LRMDA: variants seen among roughly 807,000 people sequenced by gnomAD.
LRMDA encodes leucine-rich melanocyte differentiation-associated protein.
Under a neutral mutation model 29.8 loss-of-function variants are expected in LRMDA, and 18 were observed. That is an observed-to-expected ratio of 0.60 (90% confidence interval 0.42 to 0.90). The LOEUF (loss-of-function observed/expected upper bound fraction) is 0.90. Among genes scored for constraint, LRMDA ranks in the 40% least tolerant of loss-of-function variants. The pLI is 0.00. For missense variants in LRMDA, 273 were observed against 273.9 expected (o/e 1.00, Z 0.02); for synonymous variants, 125 against 109.4 (o/e 1.14, Z -0.89).
intron 6 of LRMDA, among the ~76,000 whole-genome samples, chr10:76,522,759 T>G (rs1418649710): frequency 6.6e-6 from 1 of 152,164 alleles, no homozygotes; most frequent in Admixed American, 6.5e-5. Flanking sequence ...GCCTGAAAAG[T>G]TGTATGCTGC....
chr10:76,354,190 A>T (rs1841212046), intron 6 of LRMDA, among the ~76,000 whole-genome samples: 1 of 152,096 alleles, frequency 6.6e-6, no homozygotes, highest in Admixed American at 6.6e-5. Context: ...AAGGACTTCC[A>T]CACTTGGGCT....
intron 6 of LRMDA, among the ~76,000 whole-genome samples, chr10:76,376,369 T>C (rs113909764): frequency 0.016 from 2,365 of 152,202 alleles, 56 homozygotes; most frequent in African/African-American, 0.054. Flanking sequence ...TATACATATA[T>C]ATCATGCCTC....
chr10:75,840,114 C>A (rs551804613), intron 2 of LRMDA, among the ~76,000 whole-genome samples: 1 of 152,182 alleles, frequency 6.6e-6, no homozygotes, highest in South Asian at 2.1e-4. Flanking sequence ...CCTGTATCAT[C>A]CAATTCTACT....
intron 5 of LRMDA, among the ~76,000 whole-genome samples, chr10:76,305,574 G>C (rs940376906): frequency 6.6e-6 from 1 of 152,140 alleles, no homozygotes; most frequent in Admixed American, 6.5e-5. Context: ...ACTAAGATGG[G>C]CACAGGGTAG....
intron 2 of LRMDA, among the ~76,000 whole-genome samples, chr10:75,820,119 C>G (rs1005819894): frequency 4.6e-5 from 7 of 152,122 alleles, no homozygotes; most frequent in Admixed American, 1.3e-4. Flanking sequence ...AGAAAAACAA[C>G]AAACCCTGGA....
chr10:75,438,593 A>G (rs1039274950), intron 2 of LRMDA, 99 bp downstream of exon 2: 4 of 876,510 alleles, frequency 4.6e-6, no homozygotes, highest in Non-Finnish European at 7.3e-6. Context: ...CCAACTCCAC[A>G]TGGGTTGTCC....
intron 2 of LRMDA, among the ~76,000 whole-genome samples, chr10:75,988,345 G>C (rs186462593): frequency 2.5e-4 from 38 of 151,984 alleles, no homozygotes; most frequent in African/African-American, 8.7e-4. Context: ...CACCTTGAAG[G>C]CCGTGAGTCC....
chr10:76,526,371 T>TCTCAAAATGGTTGCTACTGCTCCTGG (rs1299792736), intron 6 of LRMDA, among the ~76,000 whole-genome samples: 1 of 152,152 alleles, frequency 6.6e-6, no homozygotes, highest in Non-Finnish European at 1.5e-5. Flanking sequence ...AGCCTCATGG[T>TCTCAAAATGGTTGCTACTGCTCCTGG]CTCAAAATGG....
At chr10:76,183,609 C>T (rs1227654339) in intron 5 of LRMDA, among the ~76,000 whole-genome samples, 2 of 152,040 alleles carry the variant, frequency 1.3e-5, no homozygotes, top group African/African-American at 2.4e-5. Flanking sequence ...TTATGAATAC[C>T]CAAGGAGGGA....
intron 2 of LRMDA, among the ~76,000 whole-genome samples, chr10:75,821,796 A>AAAC (rs1377549623): frequency 6.2e-5 from 8 of 129,782 alleles, no homozygotes; most frequent in East Asian, 2.0e-4. Context: ...ACAAACAAAC[A>AAAC]AAAAAAACCC....
chr10:75,933,883 C>G (rs749039007), intron 2 of LRMDA, among the ~76,000 whole-genome samples: 3 of 152,168 alleles, frequency 2.0e-5, no homozygotes, highest in Non-Finnish European at 4.4e-5. Flanking sequence ...GCTTATCTCC[C>G]TCCTAGTTGC....
intron 5 of LRMDA, among the ~76,000 whole-genome samples, chr10:76,124,399 T>G (rs1286906829): frequency 1.3e-5 from 2 of 152,226 alleles, no homozygotes; most frequent in African/African-American, 4.8e-5. Context: ...CACAGGAAAC[T>G]CACACCTTTT....
intron 5 of LRMDA, among the ~76,000 whole-genome samples, chr10:76,193,855 C>T (rs1326001966): frequency 2.0e-5 from 3 of 152,114 alleles, no homozygotes; most frequent in Admixed American, 2.0e-4. Context: ...GCAGGAGAAG[C>T]TAATTCTAAC....
Position 75,752,360 on chromosome 10 carries a change from C to T in LRMDA, c.132-283648C>T, listed in dbSNP as rs567600052. Among the ~76,000 whole-genome samples, 84 of 151,940 alleles carry T rather than the reference C, an allele frequency of 5.5e-4. No individual in the cohort carries two copies. The South Asian group carries it at 9.8e-3, about 18-fold the overall frequency. ...CTGAGTAGCTGGGACTACAGGCGCC[C>T]GCCACCAGGCCTAGCTAATTTTTTG... On this transcript the variant is annotated intron_variant, in intron 2 of 6. Transcript: ENST00000611255.
At chr10:75,449,575 A>T (rs570391820) in intron 2 of LRMDA, among the ~76,000 whole-genome samples, 2 of 149,806 alleles carry the variant, frequency 1.3e-5, no homozygotes, top group East Asian at 3.9e-4. Context: ...TCACTATACC[A>T]GGGTCTGAGT....
chr10:75,768,176 G>A (rs1225764329), intron 2 of LRMDA, among the ~76,000 whole-genome samples: 5 of 152,184 alleles, frequency 3.3e-5, no homozygotes, highest in Non-Finnish European at 4.4e-5. Context: ...AATCCAGTAC[G>A]GCACCTGATT....
intron 5 of LRMDA, among the ~76,000 whole-genome samples, chr10:76,089,925 C>T (rs1028314314): frequency 2.0e-5 from 3 of 152,188 alleles, no homozygotes; most frequent in African/African-American, 4.8e-5. Context: ...CAGAGTGTAA[C>T]GTGAGCCAAC....
intron 2 of LRMDA, among the ~76,000 whole-genome samples, chr10:75,789,147 G>A (rs937929800): frequency 6.6e-6 from 1 of 152,228 alleles, no homozygotes; most frequent in Non-Finnish European, 1.5e-5. Flanking sequence ...CTAGCTGTGT[G>A]ACTTTGGCCA....
chr10:75,526,796 C>T (rs190715886), intron 2 of LRMDA, among the ~76,000 whole-genome samples: 8 of 151,338 alleles, frequency 5.3e-5, no homozygotes, highest in African/African-American at 1.9e-4. Context: ...AAGTTCAAGT[C>T]TTCAGTGAGC....
Sources: allele counts gnomAD v4.1 joint callset (sites outside exome capture counted in the v4.1 genomes callset), GRCh38; gene constraint gnomAD v4.1.1; transcripts MANE v1.5; gene names NCBI Gene and HGNC (gene_info 2026-07-23, HGNC 2026-07-21).